SMC5: variants seen among roughly 807,000 people sequenced by gnomAD.
SMC5 encodes structural maintenance of chromosomes protein 5.
SMC5 carries 88 observed loss-of-function variants against 148.3 expected under a neutral mutation model. The ratio of observed to expected loss-of-function variants is 0.59; its 90% CI spans 0.50 to 0.71. The LOEUF (loss-of-function observed/expected upper bound fraction) is 0.71, where lower values mean the gene tolerates loss of function less well. Among genes scored for constraint, SMC5 ranks in the 30% least tolerant of loss-of-function variants. The probability of loss-of-function intolerance (pLI) is 0.00; values close to 1 mark genes in which losing one functional copy is unlikely to be tolerated. For missense variants in SMC5, 1,142 were observed against 1,298.9 expected, an observed-to-expected ratio of 0.88 and a Z score of 1.86; for synonymous variants, 421 against 432.8, an observed-to-expected ratio of 0.97 and a Z score of 0.34.
At chr9:70,278,021 AATG>A (rs1471451390) in intron 4 of SMC5, among the ~76,000 whole-genome samples, 8 of 94,778 alleles carry the variant, frequency 8.4e-5, no homozygotes, top group African/African-American at 1.2e-4. Flanking sequence ...TCAGAAACAC[AATG>A]ATGATTTCAT....
chr9:70,324,296 TAAAATACTTA>T (rs2036023001), intron 17 of SMC5, among the ~76,000 whole-genome samples, 153 bp downstream of exon 17: 1 of 152,212 alleles, frequency 6.6e-6, no homozygotes, highest in Non-Finnish European at 1.5e-5. Flanking sequence ...AAGTAATACT[TAAAATACTTA>T]AGACTGGTTG....
At chr9:70,323,859 A>G (rs1405395615) in intron 16 of SMC5, among the ~76,000 whole-genome samples, 162 bp from the exon 17 acceptor site, 1 of 152,194 alleles carries the variant, frequency 6.6e-6, no homozygotes, top group Non-Finnish European at 1.5e-5. Flanking sequence ...AAAGGAAAAC[A>G]CTTTCTAAAA....
intron 6 of SMC5, among the ~76,000 whole-genome samples, chr9:70,281,440 A>G (rs1425493371): frequency 6.6e-6 from 1 of 152,170 alleles, no homozygotes; most frequent in Non-Finnish European, 1.5e-5. Context: ...TTAGTCCTCA[A>G]CAGATAGTTT....
At chr9:70,310,275 C>G (rs546465363) in intron 11 of SMC5, among the ~76,000 whole-genome samples, 6 of 152,180 alleles carry the variant, frequency 3.9e-5, no homozygotes, top group African/African-American at 1.4e-4. Context: ...CAAAATTACT[C>G]CTTGATCCAT....
chr9:70,260,290 A>G (rs913830449), intron 1 of SMC5, among the ~76,000 whole-genome samples: 3 of 152,044 alleles, frequency 2.0e-5, no homozygotes, highest in Admixed American at 6.6e-5. Context: ...GTATTTTAGT[A>G]GACTCGCGGT....
intron 3 of SMC5, among the ~76,000 whole-genome samples, chr9:70,268,456 C>A (rs1212527681): frequency 2.1e-5 from 3 of 139,994 alleles, no homozygotes; most frequent in East Asian, 2.1e-4. Context: ...TGCCCCCTGC[C>A]CCCCCCAAAA....
intron 6 of SMC5, among the ~76,000 whole-genome samples, chr9:70,281,898 T>C (rs746981137): frequency 6.6e-6 from 1 of 152,046 alleles, no homozygotes; most frequent in Non-Finnish European, 1.5e-5. Flanking sequence ...TTTCTTTTCT[T>C]ACCATCATCC....
rs758232187 is a variant in SMC5 at position 70,323,601 on chromosome 9, A to G, written c.2269A>G (p.Ile757Val). 22 of 1,611,114 alleles carry G rather than the reference A, an allele frequency of 1.4e-5. No individual in the cohort carries two copies. The change falls in exon 16 of 25, where the codon ATA (isoleucine) becomes GTA (valine). Residue 757 changes from isoleucine (I) to valine (V), a missense_variant. Ile to Val is a conservative substitution (Grantham distance 29, BLOSUM62 3). Transcript: ENST00000361138. Reference protein sequence around the residue: ...AKLVTELTNLIKICTSLHIQK... With the variant: ...AKLVTELTNLVKICTSLHIQK... ...ACTTGTTACCGAATTAACAAACCTA[A>G]TAAAGGTAAGGTATTGTTTTAATTT...
In SMC5 at chr9:70,352,953, A is replaced by G. The variant is rs939312376; in HGVS notation, c.*622A>G. The G allele has an allele frequency of 6.6e-6, 1 of 151,898 alleles. No homozygotes were observed. The highest frequency in any genetic ancestry group is 1.5e-5 in the Non-Finnish European group (1 of 67,998). The allele number at this position is 151,898 out of a possible 1,614,324, so 9.4% of individuals were successfully genotyped here. ...AAGGGGAAAAAAGCACTGGGGTTCA[A>G]AAATGGTAGCAGAACTGCTTTGAAA... On this transcript the variant is annotated 3_prime_UTR_variant, in exon 25 of 25. Transcript: ENST00000361138.
At chr9:70,309,055 AAAACACTT>A (rs1220315839) in intron 11 of SMC5, among the ~76,000 whole-genome samples, 3 of 152,154 alleles carry the variant, frequency 2.0e-5, no homozygotes, top group Non-Finnish European at 4.4e-5. Flanking sequence ...ACATACTTTA[AAAACACTT>A]TCTTGCTAAA....
chr9:70,294,497 G>A (rs879456953), intron 8 of SMC5, among the ~76,000 whole-genome samples: 16 of 152,156 alleles, frequency 1.1e-4, no homozygotes, highest in Admixed American at 2.0e-4. Flanking sequence ...TGGTTATAGC[G>A]CTGCATTGTG....
At chr9:70,342,790 A>G (rs1237586222) in intron 17 of SMC5, among the ~76,000 whole-genome samples, 3 of 151,980 alleles carry the variant, frequency 2.0e-5, no homozygotes, top group Non-Finnish European at 4.4e-5. Flanking sequence ...CATTTTACCA[A>G]CTCTGATCTT....
chr9:70,291,136 G>A (rs1209491493), intron 8 of SMC5, among the ~76,000 whole-genome samples: 2 of 151,784 alleles, frequency 1.3e-5, no homozygotes, highest in Non-Finnish European at 2.9e-5. Context: ...TCCTAGTTCT[G>A]TAAAGTTCTT....
intron 18 of SMC5, 180 bp from the exon 19 acceptor site, chr9:70,346,425 A>G (rs568529806): frequency 3.1e-6 from 2 of 646,338 alleles, no homozygotes; most frequent in East Asian, 2.6e-5. Context: ...AAAAAAAAGT[A>G]TATGTTCTAA....
intron 17 of SMC5, among the ~76,000 whole-genome samples, chr9:70,335,683 T>A (rs1489367868): frequency 6.6e-6 from 1 of 152,170 alleles, no homozygotes; most frequent in East Asian, 1.9e-4. Context: ...TTCAGAGCTT[T>A]TGAAGGTGAT....
In SMC5 at chr9:70,264,423, C is replaced by T; in HGVS notation, c.305C>T (p.Ala102Val). 1 of 1,613,928 alleles carries T rather than the reference C, an allele frequency of 6.2e-7. No homozygotes were observed. The change falls in exon 2 of 25, where the codon GCT (alanine) becomes GTT (valine). Residue 102 changes from alanine (A) to valine (V), a missense_variant. This residue lies in a region of SMC5 where 297 missense variants were observed against 302.6 expected (regional missense o/e 0.98). Coordinates refer to ENST00000361138, the MANE Select transcript of SMC5 (RefSeq NM_015110.4). ...AICLGLAGKP[A>V]FMGRADKVGF... Reference sequence around the variant, plus strand: ...TGCCTTGGTTTAGCTGGAAAACCTGCTTTCATGGGACGAGCAGATAAGGTG... The same window carrying T: ...TGCCTTGGTTTAGCTGGAAAACCTGTTTTCATGGGACGAGCAGATAAGGTG...
chr9:70,259,022 G>T lies in SMC5; in HGVS notation c.-57G>T, dbSNP rs540017871. 1 of 1,518,502 alleles carries T rather than the reference G, an allele frequency of 6.6e-7. No individual in the cohort carries two copies. The highest frequency in any genetic ancestry group is 8.8e-7 in the Non-Finnish European group (1 of 1,131,484). The allele number at this position is 1,518,502 out of a possible 1,614,324, so 94.1% of individuals were successfully genotyped here. ...CGCCTGGGTGGATGGGCGCTTGGGC[G>T]CCTGGGCTGCCGGACGGTGGGAACG... is the stretch of plus-strand genomic sequence containing the variant. On this transcript the variant is annotated 5_prime_UTR_variant, in exon 1 of 25. Transcript: ENST00000361138.
At chr9:70,300,314 G>C in intron 10 of SMC5, 114 bp downstream of exon 10, 1 of 891,748 alleles carries the variant, frequency 1.1e-6, no homozygotes, top group South Asian at 1.9e-5. Context: ...CAGACTTGTG[G>C]CATCTGGCAT....
Position 70,259,147 on chromosome 9 carries a change from CCCTTCG to C in SMC5, c.70_75del (p.Pro24_Ser25del), listed in dbSNP as rs2034010296. The C allele has an allele frequency of 6.2e-7, 1 of 1,612,680 alleles. No individual in the cohort carries two copies. The highest frequency in any genetic ancestry group is 1.3e-5 in the African/African-American group (1 of 74,936). On this transcript the variant is annotated inframe_deletion, in exon 1 of 25. Transcript: ENST00000361138. Reference sequence around the variant, plus strand: ...CTTCCAAGAGAGCTCTCCCGAGAGACCCTTCGTCGGAGGTCCCGAGCAAGAGGAAGA... The same window carrying C: ...CTTCCAAGAGAGCTCTCCCGAGAGACTCGGAGGTCCCGAGCAAGAGGAAGA...
Sources: gnomAD v4.1 joint callset for allele counts (sites outside exome capture counted in the v4.1 genomes callset) on GRCh38, gnomAD v4.1.1 for gene constraint, gnomAD v4.1.1 regional missense constraint, MANE v1.5 for transcripts, NCBI Gene and HGNC (gene_info 2026-07-23, HGNC 2026-07-21) for gene names.